ATP8A2: variants seen among roughly 807,000 people sequenced by gnomAD.
The protein encoded by ATP8A2 is phospholipid-transporting ATPase IB.
Under a neutral mutation model 165.6 loss-of-function variants are expected in ATP8A2, and 100 were observed. The observed-to-expected ratio is 0.60, with a 90% confidence interval of 0.51 to 0.71. ATP8A2 has a LOEUF of 0.71. ATP8A2 is among the 30% of genes least tolerant of loss of function. The pLI is 0.00. For missense variants in ATP8A2, 1,227 were observed against 1,479.5 expected (o/e 0.83, Z 2.80); for synonymous variants, 543 against 548.8 (o/e 0.99, Z 0.15).
rs762447298 is a variant in ATP8A2 at position 25,769,244 on chromosome 13, C to T, written c.2568+15C>T. The T allele has an allele frequency of 1.0e-5, 16 of 1,598,636 alleles. No individual in the cohort carries two copies. The highest frequency in any genetic ancestry group is 2.7e-5 in the African/African-American group (2 of 74,658). On this transcript the variant is annotated intron_variant, in intron 26 of 36. Coordinates refer to ENST00000381655, the MANE Select transcript of ATP8A2 (RefSeq NM_016529.6). Reference sequence around the variant, plus strand: ...CCATCGCACAGGTCAGCAGCTTGGGCGTCCAGCTGCCCTGTCCTGTTGAGA... The same window carrying T: ...CCATCGCACAGGTCAGCAGCTTGGGTGTCCAGCTGCCCTGTCCTGTTGAGA...
intron 33 of ATP8A2, among the ~76,000 whole-genome samples, chr13:25,918,893 G>T (rs2139021041): frequency 6.6e-6 from 1 of 152,290 alleles, no homozygotes; most frequent in South Asian, 2.1e-4. Flanking sequence ...TTATTAAAGG[G>T]TGCAAATTGC....
intron 25 of ATP8A2, among the ~76,000 whole-genome samples, chr13:25,735,692 T>C (rs1039036748): frequency 6.6e-5 from 10 of 152,176 alleles, no homozygotes; most frequent in African/African-American, 2.4e-4. Flanking sequence ...GACATTTTGG[T>C]CAATAACAGA....
intron 2 of ATP8A2, among the ~76,000 whole-genome samples, chr13:25,521,357 T>G (rs190637360): frequency 1.6e-4 from 24 of 152,326 alleles, no homozygotes; most frequent in Admixed American, 1.4e-3. Context: ...TTTTCTTCAT[T>G]CTGCAGGAGG....
intron 36 of ATP8A2, among the ~76,000 whole-genome samples, chr13:26,018,044 T>C (rs934382864): frequency 6.6e-6 from 1 of 152,230 alleles, no homozygotes; most frequent in African/African-American, 2.4e-5. Flanking sequence ...TATCACCTTC[T>C]CTCCCGCCCA....
rs1186569529 is a variant in ATP8A2 at position 25,531,398 on chromosome 13, TTA to T, written c.420+746_420+747del. Among the ~76,000 whole-genome samples the T allele has an allele frequency of 6.2e-3, 543 of 87,324 alleles. 8 individuals are homozygous for T. Among genetic ancestry groups the T allele is most frequent in the African/African-American group, 0.017 (288 of 16,484 alleles). 57.3% of individuals were successfully genotyped at this position (87,324 alleles called of 152,430 possible). A position where few individuals can be genotyped will look rare whatever the true frequency, so the allele number is the denominator to read the frequency against. On this transcript the variant is annotated intron_variant, in intron 4 of 36. Coordinates refer to ENST00000381655, the MANE Select transcript of ATP8A2 (RefSeq NM_016529.6). ...TGTTATATATATGATATATATATGA[TTA>T]TATATATGATTATATATATGATATA...
At chr13:25,892,503 T>C (rs1953400324) in intron 33 of ATP8A2, among the ~76,000 whole-genome samples, 2 of 150,576 alleles carry the variant, frequency 1.3e-5, no homozygotes, top group South Asian at 4.3e-4. Context: ...TCTCTCTCTC[T>C]CCTTCCACCT....
At chr13:25,502,047 A>G (rs2036869623) in intron 2 of ATP8A2, among the ~76,000 whole-genome samples, 1 of 152,254 alleles carries the variant, frequency 6.6e-6, no homozygotes, top group African/African-American at 2.4e-5. Context: ...ATGCAAGTTC[A>G]GATCCCATAC....
At chr13:25,856,447 A>G (rs1952168460) in intron 30 of ATP8A2, among the ~76,000 whole-genome samples, 2 of 152,174 alleles carry the variant, frequency 1.3e-5, no homozygotes, top group South Asian at 4.1e-4. Flanking sequence ...TACAATGCAC[A>G]TTGTTCAGGT....
At chr13:25,374,116 A>G (rs544190341) in intron 1 of ATP8A2, among the ~76,000 whole-genome samples, 1 of 152,158 alleles carries the variant, frequency 6.6e-6, no homozygotes, top group South Asian at 2.1e-4. Context: ...GAGGTTAGGG[A>G]GATGAGGGTC....
At chr13:25,735,919 C>G (rs542515039) in intron 25 of ATP8A2, among the ~76,000 whole-genome samples, 1 of 152,214 alleles carries the variant, frequency 6.6e-6, no homozygotes, top group South Asian at 2.1e-4. Context: ...CCCAGAGCAA[C>G]GTCTAGTCTT....
intron 2 of ATP8A2, among the ~76,000 whole-genome samples, chr13:25,502,861 G>A (rs915405547): frequency 1.3e-5 from 2 of 152,174 alleles, no homozygotes; most frequent in African/African-American, 4.8e-5. Context: ...TAGTACAATC[G>A]TGTGTAGGTA....
intron 1 of ATP8A2, among the ~76,000 whole-genome samples, chr13:25,463,464 T>G (rs1029087459): frequency 5.9e-5 from 9 of 152,086 alleles, no homozygotes; most frequent in African/African-American, 2.2e-4. Context: ...TGGAACAAAT[T>G]TCAAAAACCT....
intron 24 of ATP8A2, among the ~76,000 whole-genome samples, chr13:25,672,343 T>C (rs1038025976): frequency 2.0e-5 from 3 of 152,238 alleles, no homozygotes; most frequent in Non-Finnish European, 4.4e-5. Flanking sequence ...CTTTTGTTTT[T>C]TCAGACTGTG....
chr13:25,737,689 T>A (rs905254693), intron 25 of ATP8A2, among the ~76,000 whole-genome samples: 4 of 152,120 alleles, frequency 2.6e-5, no homozygotes, highest in Non-Finnish European at 5.9e-5. Flanking sequence ...TATTATTTTA[T>A]TTTATGTTTT....
chr13:25,555,214 A>ATC, intron 13 of ATP8A2, 146 bp downstream of exon 13: 1 of 589,230 alleles, frequency 1.7e-6, no homozygotes. Context: ...ATACTTTTGA[A>ATC]TGTGCCAGTA....
At chr13:25,925,049 C>T (rs1954561112) in intron 33 of ATP8A2, among the ~76,000 whole-genome samples, 2 of 152,136 alleles carry the variant, frequency 1.3e-5, no homozygotes, top group Admixed American at 1.3e-4. Flanking sequence ...CAGACTAATG[C>T]TAGGTGTTCT....
chr13:26,007,472 A>C lies in ATP8A2; in HGVS notation c.3378-5059A>C, dbSNP rs187740162. On this transcript the variant is annotated intron_variant, in intron 35 of 36. Transcript: ENST00000381655. The stretch of plus-strand genomic sequence containing the variant: ...TTCAGAAAAGGTTGTTCCTAAGGAT[A>C]GCAAGACTCTGCAAAGAATAGTTCT... Among the ~76,000 whole-genome samples the C allele has an allele frequency of 9.9e-3, 1,510 of 152,328 alleles. 22 individuals are homozygous for C. The highest frequency in any genetic ancestry group is 0.034 in the African/African-American group (1,416 of 41,568).
chr13:25,391,782 G>A (rs1018894959), intron 1 of ATP8A2, among the ~76,000 whole-genome samples: 3 of 152,210 alleles, frequency 2.0e-5, no homozygotes, highest in Non-Finnish European at 2.9e-5. Flanking sequence ...AGGCCGTACA[G>A]AAGGAAGGCC....
At chr13:25,520,898 G>A (rs2037650862) in intron 2 of ATP8A2, among the ~76,000 whole-genome samples, 1 of 152,134 alleles carries the variant, frequency 6.6e-6, no homozygotes, top group African/African-American at 2.4e-5. Context: ...ACAGGCATGA[G>A]CCACCGTGCC....
Sources: allele counts gnomAD v4.1 joint callset (sites outside exome capture counted in the v4.1 genomes callset), GRCh38; gene constraint gnomAD v4.1.1; transcripts MANE v1.5; gene names NCBI Gene and HGNC (gene_info 2026-07-23, HGNC 2026-07-21).